HMGXB4: variants seen among roughly 807,000 people sequenced by gnomAD.
The protein encoded by HMGXB4 is HMG-box containing 4, also known as HMG domain-containing protein 4.
HMGXB4 carries 27 observed loss-of-function variants against 63.9 expected under a neutral mutation model. That is an observed-to-expected ratio of 0.42 (90% CI 0.31 to 0.58). The LOEUF is 0.58. HMGXB4 is among the 20% of genes least tolerant of loss of function. HMGXB4 has a pLI of 0.13. For missense variants in HMGXB4, 624 were observed against 700.7 expected (o/e 0.89, Z 1.24); for synonymous variants, 264 against 265.3 (o/e 0.99, Z 0.05).
At chr22:35,248,401 C>CTTTTT in the HMGXB4 span, among the ~76,000 whole-genome samples, 4 of 102,962 alleles carry the variant, frequency 3.9e-5, no homozygotes, top group Non-Finnish European at 8.1e-5. Flanking sequence ...GAGGTCGGGA[C>CTTTTT]TTTTTTTTTT....
At position 35,265,153 on chromosome 22, in the gene HMGXB4, C is replaced by T. The variant is rs1162126512; in HGVS notation, c.765C>T (p.Ser255=). 8.7e-6 allele frequency: 14 copies of T among 1,614,084 alleles called. No homozygotes were observed. The highest frequency in any genetic ancestry group is 1.7e-5 in the Admixed American group (1 of 60,008). The change falls in exon 5 of 11, where the codon TCC becomes TCT. Residue 255 remains serine, a synonymous_variant. Coordinates refer to ENST00000216106, the MANE Select transcript of HMGXB4 (RefSeq NM_001003681.3). ...CAGCCCGGAAAAAGCACAAGTCATC[C>T]TCAGACGCACATTCATCTCCTGGCC... The part of the protein sequence containing the change: ...LKTARKKHKS[S]SDAHSSPGPE...
intron 3 of HMGXB4, 28 bp from the exon 4 acceptor site, chr22:35,263,768 T>C: frequency 6.6e-7 from 1 of 1,523,846 alleles, no homozygotes; most frequent in Non-Finnish European, 9.1e-7. Flanking sequence ...CATCATCTTA[T>C]TATTGGTCAA....
At chr22:35,253,387 A>C (rs1922270266), upstream of HMGXB4, among the ~76,000 whole-genome samples, 1 of 152,138 alleles carries the variant, frequency 6.6e-6, no homozygotes, top group African/African-American at 2.4e-5. Flanking sequence ...ACACATACAC[A>C]CAGAAGATAA....
chr22:35,291,132 G>A (rs1164163560), intron 9 of HMGXB4, among the ~76,000 whole-genome samples: 1 of 152,104 alleles, frequency 6.6e-6, no homozygotes, highest in African/African-American at 2.4e-5. Context: ...TTGTGGTGGT[G>A]CACACCTGTA....
chr22:35,277,821 G>A (rs902203934), intron 5 of HMGXB4, among the ~76,000 whole-genome samples: 7 of 152,104 alleles, frequency 4.6e-5, no homozygotes, highest in Non-Finnish European at 8.8e-5. Context: ...CACCAGACTA[G>A]TACATTTGTT....
At chr22:35,288,691 A>T (rs1471340565) in intron 9 of HMGXB4, among the ~76,000 whole-genome samples, 1 of 152,188 alleles carries the variant, frequency 6.6e-6, no homozygotes, top group Non-Finnish European at 1.5e-5. Flanking sequence ...TTATTTTTTT[A>T]AAATGCAGTG....
At chr22:35,267,467 A>AT (rs1406753690) in intron 5 of HMGXB4, among the ~76,000 whole-genome samples, 1 of 152,186 alleles carries the variant, frequency 6.6e-6, no homozygotes, top group Non-Finnish European at 1.5e-5. Flanking sequence ...AGAAGGTTTC[A>AT]GTGGAAGTGG....
At chr22:35,266,124 C>T (rs954692841) in intron 5 of HMGXB4, among the ~76,000 whole-genome samples, 3 of 152,024 alleles carry the variant, frequency 2.0e-5, no homozygotes, top group African/African-American at 4.8e-5. Context: ...CCCATTGTGC[C>T]AGGAATAGGT....
chr22:35,274,772 T>G (rs562639132), intron 5 of HMGXB4, among the ~76,000 whole-genome samples: 2 of 152,350 alleles, frequency 1.3e-5, no homozygotes, highest in Admixed American at 1.3e-4. Flanking sequence ...AGAAAGATTT[T>G]CATTCAAGGT....
chr22:35,260,395 T>C (rs1437495197), intron 1 of HMGXB4, among the ~76,000 whole-genome samples: 1 of 152,238 alleles, frequency 6.6e-6, no homozygotes, highest in East Asian at 1.9e-4. Context: ...AATAAATTGA[T>C]ATAATTCCCT....
At position 35,294,531 on chromosome 22, in the gene HMGXB4, A is replaced by G. The variant is rs1170039628; in HGVS notation, c.*880A>G. 2 of 152,594 alleles carry G rather than the reference A, an allele frequency of 1.3e-5. No homozygotes were observed. Among genetic ancestry groups the G allele is most frequent in the Admixed American group, 6.6e-5 (1 of 15,260 alleles). The allele number at this position is 152,594 out of a possible 1,614,324, so 9.5% of individuals were successfully genotyped here. On this transcript the variant is annotated 3_prime_UTR_variant, in exon 11 of 11. Coordinates refer to ENST00000216106, the MANE Select transcript of HMGXB4 (RefSeq NM_001003681.3). ...TTTGCCCAGCATGATTTTTGGGTTC[A>G]TCTTATCAGTTCCCCTGGTGGGCAG...
At chr22:35,275,309 A>C (rs1229379636) in intron 5 of HMGXB4, among the ~76,000 whole-genome samples, 1 of 151,796 alleles carries the variant, frequency 6.6e-6, no homozygotes, top group African/African-American at 2.4e-5. Flanking sequence ...TAGTGGAAAC[A>C]GGGTTTCACC....
At chr22:35,258,739 C>T (rs1343228602) in intron 1 of HMGXB4, among the ~76,000 whole-genome samples, 1 of 152,208 alleles carries the variant, frequency 6.6e-6, no homozygotes, top group African/African-American at 2.4e-5. Flanking sequence ...AATTGGCAAC[C>T]GGCGGATGTG....
At position 35,262,398 on chromosome 22, in the gene HMGXB4, A is replaced by G. The variant is rs148332890; in HGVS notation, c.8A>G (p.Tyr3Cys). ...AGGCCCTGCAGGACCACCATGGCTT[A>G]TGATGACTCCGTGAAGAAAGAAGGT... MA[Y>C]DDSVKKEDCF... Residue 3 changes from tyrosine to cysteine, a missense_variant, in exon 2 of 11, where the codon TAT becomes TGT. Tyr to Cys is a radical substitution (Grantham distance 194, BLOSUM62 -2). This residue lies in a region of HMGXB4 where 472 missense variants were observed against 470.6 expected (regional missense o/e 1.00). Coordinates refer to ENST00000216106, the MANE Select transcript of HMGXB4 (RefSeq NM_001003681.3). The G allele has an allele frequency of 1.2e-6, 2 of 1,614,120 alleles. No individual in the cohort carries two copies. Among genetic ancestry groups the G allele is most frequent in the Non-Finnish European group, 1.7e-6 (2 of 1,179,950 alleles).
intron 5 of HMGXB4, among the ~76,000 whole-genome samples, chr22:35,277,327 A>G (rs1373905785): frequency 6.6e-6 from 1 of 152,072 alleles, no homozygotes. Flanking sequence ...GGTTCGATGC[A>G]AGGGTTTTCT....
chr22:35,248,834 C>A, the HMGXB4 span, among the ~76,000 whole-genome samples: 5 of 152,114 alleles, frequency 3.3e-5, no homozygotes, highest in Non-Finnish European at 7.4e-5. Context: ...CCCACCGGGC[C>A]CCATCCAATG....
chr22:35,272,669 G>A (rs1282397530), intron 5 of HMGXB4, among the ~76,000 whole-genome samples: 1 of 152,184 alleles, frequency 6.6e-6, no homozygotes, highest in Non-Finnish European at 1.5e-5. Flanking sequence ...AGGCGTGGTG[G>A]CTCACACCTG....
At chr22:35,242,554 T>C in the HMGXB4 span, among the ~76,000 whole-genome samples, 1 of 152,150 alleles carries the variant, frequency 6.6e-6, no homozygotes, top group Non-Finnish European at 1.5e-5. Flanking sequence ...TCTCTCTCTC[T>C]CTCTGATCTT....
rs1307609143 is a variant in HMGXB4 at position 35,287,433 on chromosome 22, A to T, written c.1449A>T (p.Glu483Asp). ...TTVKRKASSSEGSMKVKASSV... is the reference protein window; with the variant it reads ...TTVKRKASSSDGSMKVKASSV... ...TGAAAAGGAAAGCATCCAGCTCAGA[A>T]GGTTCCATGAAAGTCAAAGGTAGTG... The change falls in exon 8 of 11, where the codon GAA becomes GAT. Residue 483 changes from glutamate to aspartate, a missense_variant. Coordinates refer to ENST00000216106, the MANE Select transcript of HMGXB4 (RefSeq NM_001003681.3). The T allele has an allele frequency of 6.2e-7, 1 of 1,612,886 alleles. No individual in the cohort carries two copies. The highest frequency in any genetic ancestry group is 1.1e-5 in the South Asian group (1 of 90,936).
Sources: allele counts gnomAD v4.1 joint callset (sites outside exome capture counted in the v4.1 genomes callset), GRCh38; gene constraint gnomAD v4.1.1; regional missense constraint gnomAD v4.1.1; transcripts MANE v1.5; gene names NCBI Gene and HGNC (gene_info 2026-07-23, HGNC 2026-07-21).